Variants in ALX4 observed in about 807,000 individuals in gnomAD.
The protein encoded by ALX4 is ALX homeobox 4.
A neutral mutation model predicts 40.6 loss-of-function variants in ALX4; 22 were observed. The ratio of observed to expected loss-of-function variants is 0.54; its 90% CI spans 0.39 to 0.77. The LOEUF (loss-of-function observed/expected upper bound fraction) is 0.77. ALX4 is among the 30% of genes least tolerant of loss of function. The pLI is 0.00. For synonymous variants in ALX4, 266 were observed against 240.5 expected, an observed-to-expected ratio of 1.11 and a Z score of -0.98; for missense variants, 556 against 564.8, an observed-to-expected ratio of 0.98 and a Z score of 0.16.
chr11:44,292,839 T>C (rs1271388280), intron 1 of ALX4, among the ~76,000 whole-genome samples: 1 of 152,026 alleles, frequency 6.6e-6, no homozygotes, highest in Admixed American at 6.6e-5. Flanking sequence ...CTCATGCCTG[T>C]AATCCCAGCA....
At chr11:44,302,468 C>A (rs187694421) in intron 1 of ALX4, among the ~76,000 whole-genome samples, 1 of 152,352 alleles carries the variant, frequency 6.6e-6, no homozygotes, top group African/African-American at 2.4e-5. Flanking sequence ...AGCCAGCGAA[C>A]ATTTGTTAAG....
At chr11:44,275,712 G>T (rs1032983890) in intron 1 of ALX4, 54 bp from the exon 2 acceptor site, 3 of 1,569,226 alleles carry the variant, frequency 1.9e-6, no homozygotes, top group East Asian at 4.5e-5. Flanking sequence ...AACAAGAGAA[G>T]GGGAATGTCA....
At chr11:44,267,398 A>G in intron 3 of ALX4, 96 bp downstream of exon 3, 1 of 1,526,996 alleles carries the variant, frequency 6.5e-7, no homozygotes, top group Non-Finnish European at 8.9e-7. Flanking sequence ...CTGGAGCCAT[A>G]AGTCATCTCG....
chr11:44,267,357 G>C, intron 3 of ALX4, 137 bp downstream of exon 3: 1 of 1,163,146 alleles, frequency 8.6e-7, no homozygotes, highest in Non-Finnish European at 1.2e-6. Flanking sequence ...GTATAAACAG[G>C]CACACCCCTG....
In ALX4 at chr11:44,264,610, T is replaced by A; in HGVS notation, c.*244A>T. The A allele has an allele frequency of 1.7e-6, 1 of 583,730 alleles. No individual in the cohort carries two copies. The highest frequency in any genetic ancestry group is 3.0e-6 in the Non-Finnish European group (1 of 329,390). 36.2% of individuals were successfully genotyped at this position (583,730 alleles called of 1,614,324 possible). ...TGAAAAACGTGGCCACCTGGCTTTC[T>A]CCACTGCCTGTGGCCGGGAGCAGGG... On this transcript the variant is annotated 3_prime_UTR_variant, in exon 4 of 4. Transcript: ENST00000652299.
intron 2 of ALX4, among the ~76,000 whole-genome samples, chr11:44,274,433 GGGTTGGGTTGAGTTCTATTC>G (rs1438077809): frequency 6.6e-6 from 1 of 151,112 alleles, no homozygotes; most frequent in Admixed American, 6.6e-5. Context: ...GTGTTGTGTT[GGGTTGGGTTGAGTTCTATTC>G]GGTTGCACTG....
intron 3 of ALX4, among the ~76,000 whole-genome samples, chr11:44,266,400 G>A (rs184768368): frequency 2.6e-5 from 4 of 152,266 alleles, no homozygotes; most frequent in African/African-American, 2.4e-5. Flanking sequence ...AACATAGTGC[G>A]AGCTGATGCT....
chr11:44,273,124 G>A (rs1253283260), intron 2 of ALX4, among the ~76,000 whole-genome samples: 2 of 151,520 alleles, frequency 1.3e-5, no homozygotes, highest in Admixed American at 1.3e-4. Flanking sequence ...AGGATTGCAG[G>A]GTTGGGGCAT....
intron 1 of ALX4, among the ~76,000 whole-genome samples, chr11:44,278,815 C>T (rs760295454): frequency 1.3e-5 from 2 of 152,150 alleles, no homozygotes; most frequent in Non-Finnish European, 2.9e-5. Flanking sequence ...CAGGACTGTC[C>T]CTGAGGACCT....
chr11:44,286,328 G>C (rs542889309), intron 1 of ALX4, among the ~76,000 whole-genome samples: 9 of 152,310 alleles, frequency 5.9e-5, no homozygotes, highest in South Asian at 2.1e-4. Context: ...CTGCCAGGGA[G>C]GGGTATGAGA....
chr11:44,298,975 T>C (rs890754122), intron 1 of ALX4, among the ~76,000 whole-genome samples: 6 of 152,174 alleles, frequency 3.9e-5, no homozygotes, highest in African/African-American at 1.4e-4. Flanking sequence ...CAGACATTTA[T>C]TGAGCATCTA....
At chr11:44,296,746 C>G (rs1472489723) in intron 1 of ALX4, among the ~76,000 whole-genome samples, 1 of 152,042 alleles carries the variant, frequency 6.6e-6, no homozygotes, top group South Asian at 2.1e-4. Context: ...CGGTGGCTCA[C>G]ACCTGTAATC....
rs1956177798 is a variant in ALX4, at chr11:44,260,722, T to C, written c.*4132A>G. 1 of 152,214 alleles carries C rather than the reference T, an allele frequency of 6.6e-6. No individual in the cohort carries two copies. The highest frequency in any genetic ancestry group is 1.5e-5 in the Non-Finnish European group (1 of 68,050). 9.4% of individuals were successfully genotyped at this position (152,214 alleles called of 1,614,324 possible). On this transcript the variant is annotated 3_prime_UTR_variant, in exon 4 of 4. Coordinates refer to ENST00000652299, the MANE Select transcript of ALX4 (RefSeq NM_021926.4). ...ACTTTATGGAACCGACCTCATTTTT[T>C]TTTTTACATTTTTCTGGATTTTTAC...
chr11:44,278,359 C>T (rs10742701), intron 1 of ALX4, among the ~76,000 whole-genome samples: 19 of 152,106 alleles, frequency 1.2e-4, no homozygotes, highest in African/African-American at 4.4e-4. Context: ...CCCTCCCCTG[C>T]GGTCTTAGGC....
At chr11:44,300,512 TA>T (rs1329498592) in intron 1 of ALX4, among the ~76,000 whole-genome samples, 1 of 152,106 alleles carries the variant, frequency 6.6e-6, no homozygotes, top group African/African-American at 2.4e-5. Context: ...ATACACACTC[TA>T]AAACCTGATC....
intron 2 of ALX4, among the ~76,000 whole-genome samples, chr11:44,274,703 T>C (rs892103961): frequency 6.6e-6 from 1 of 152,182 alleles, no homozygotes; most frequent in South Asian, 2.1e-4. Context: ...TTGAGTTCTA[T>C]TGGGTTGTGT....
intron 1 of ALX4, among the ~76,000 whole-genome samples, chr11:44,277,600 A>C (rs1165022889): frequency 1.3e-5 from 2 of 152,222 alleles, no homozygotes; most frequent in East Asian, 3.8e-4. Context: ...TGTCAGAATG[A>C]TGCCTCTAGT....
intron 1 of ALX4, among the ~76,000 whole-genome samples, chr11:44,279,283 C>A (rs534383632): frequency 6.6e-6 from 1 of 152,202 alleles, no homozygotes; most frequent in African/African-American, 2.4e-5. Context: ...CCTGTCCCTG[C>A]GGACATTGGG....
At chr11:44,293,745 T>C (rs1937052719) in intron 1 of ALX4, among the ~76,000 whole-genome samples, 1 of 152,254 alleles carries the variant, frequency 6.6e-6, no homozygotes, top group African/African-American at 2.4e-5. Flanking sequence ...CTCTTGCCCC[T>C]GGCTTCGCCA....
Sources: allele counts gnomAD v4.1 joint callset (sites outside exome capture counted in the v4.1 genomes callset), GRCh38; gene constraint gnomAD v4.1.1; transcripts MANE v1.5; gene names NCBI Gene and HGNC (gene_info 2026-07-23, HGNC 2026-07-21).